The following GLDN variants were observed in gnomAD, a reference collection of about 807,000 sequenced individuals.
The protein encoded by GLDN is gliomedin.
A neutral mutation model predicts 56.5 loss-of-function variants in GLDN; 47 were observed. The ratio of observed to expected loss-of-function variants is 0.83; its 90% CI spans 0.66 to 1.06. The LOEUF (loss-of-function observed/expected upper bound fraction) is 1.06, where lower values mean the gene tolerates loss of function less well. Among genes scored for constraint, GLDN ranks in the 50% least tolerant of loss-of-function variants. GLDN has a pLI of 0.00. For missense variants in GLDN, 782 were observed against 714.3 expected, an observed-to-expected ratio of 1.09 and a Z score of -1.08; for synonymous variants, 332 against 278.8, an observed-to-expected ratio of 1.19 and a Z score of -1.90.
chr15:51,379,624 T>C (rs544747393), intron 2 of GLDN, among the ~76,000 whole-genome samples: 53 of 152,202 alleles, frequency 3.5e-4, no homozygotes, highest in Non-Finnish European at 6.0e-4. Flanking sequence ...TTGGTGTTCA[T>C]GGCCATCACA....
intron 1 of GLDN, among the ~76,000 whole-genome samples, chr15:51,361,756 G>A (rs2037304110): frequency 6.6e-6 from 1 of 152,178 alleles, no homozygotes; most frequent in African/African-American, 2.4e-5. Flanking sequence ...GTAGAAGGTT[G>A]ATAAGTGCTA....
rs533132247 is a variant in GLDN, at chr15:51,371,977, G to A, written c.364-5472G>A. ...TGGGACTATAGGCATGAGCCGCCGC[G>A]CCTGGCCAGGAATTTATCTTTTACA... On this transcript the variant is annotated intron_variant, in intron 1 of 9. Coordinates refer to ENST00000335449, the MANE Select transcript of GLDN (RefSeq NM_181789.4). 3.5e-4 allele frequency among the ~76,000 whole-genome samples: 54 copies of A among 152,282 alleles called. No homozygotes were observed. In the South Asian group the frequency reaches 9.3e-3, roughly 26 times the overall value.
chr15:51,357,514 A>G (rs910936585), intron 1 of GLDN, among the ~76,000 whole-genome samples: 4 of 152,178 alleles, frequency 2.6e-5, no homozygotes, highest in African/African-American at 9.7e-5. Context: ...CAGCCATCTG[A>G]CTTAAGACAC....
intron 1 of GLDN, among the ~76,000 whole-genome samples, chr15:51,345,718 A>G (rs1227370403): frequency 6.6e-6 from 1 of 152,218 alleles, no homozygotes; most frequent in African/African-American, 2.4e-5. Context: ...CACTATCACC[A>G]ATAGTATCTC....
chr15:51,354,912 C>T (rs1280107235), intron 1 of GLDN, among the ~76,000 whole-genome samples: 1 of 152,150 alleles, frequency 6.6e-6, no homozygotes, highest in African/African-American at 2.4e-5. Context: ...AAAGTTATTA[C>T]ATTAATCCAG....
intron 4 of GLDN, among the ~76,000 whole-genome samples, chr15:51,394,317 A>ATTTGGG (rs2038078695): frequency 1.3e-5 from 2 of 152,124 alleles, no homozygotes; most frequent in South Asian, 4.1e-4. Flanking sequence ...AATTTCTCTA[A>ATTTGGG]AAATAATCCA....
chr15:51,374,248 C>T (rs1035853215), intron 1 of GLDN, among the ~76,000 whole-genome samples: 2 of 152,176 alleles, frequency 1.3e-5, no homozygotes, highest in African/African-American at 4.8e-5. Flanking sequence ...TGTTTCCAAC[C>T]ACCCCTTCTG....
intron 1 of GLDN, among the ~76,000 whole-genome samples, chr15:51,359,766 G>A (rs1355934849): frequency 1.3e-5 from 2 of 152,086 alleles, no homozygotes; most frequent in Non-Finnish European, 2.9e-5. Flanking sequence ...CATGAGGTCA[G>A]GAGATCGAGA....
chr15:51,369,972 C>T lies in GLDN; in HGVS notation c.364-7477C>T, dbSNP rs143290956. Among the ~76,000 whole-genome samples, 5 of 152,114 alleles carry T rather than the reference C, an allele frequency of 3.3e-5. No individual in the cohort carries two copies. In the South Asian group the frequency reaches 6.2e-4, roughly 19 times the overall value. The stretch of plus-strand genomic sequence containing the variant: ...CACTACAAAAAGTAAATAAATTAGC[C>T]GGGCATGGTGCCGCATGTCTGTAGT... On this transcript the variant is annotated intron_variant, in intron 1 of 9. Coordinates refer to ENST00000335449, the MANE Select transcript of GLDN (RefSeq NM_181789.4).
intron 2 of GLDN, among the ~76,000 whole-genome samples, chr15:51,382,120 A>G (rs920354052): frequency 5.9e-5 from 9 of 152,094 alleles, no homozygotes; most frequent in Admixed American, 1.3e-4. Flanking sequence ...TGGCCCCTTC[A>G]TGGAATGCCA....
intron 1 of GLDN, among the ~76,000 whole-genome samples, chr15:51,347,373 C>G (rs1566934052): frequency 6.6e-6 from 1 of 152,212 alleles, no homozygotes; most frequent in Non-Finnish European, 1.5e-5. Flanking sequence ...TGGCCCAACT[C>G]AAATTCATAA....
In GLDN at chr15:51,404,680, CA is replaced by C; in HGVS notation, c.1583del (p.His528LeufsTer10). The C allele has an allele frequency of 1.2e-6, 2 of 1,612,670 alleles. No individual in the cohort carries two copies. Among genetic ancestry groups the C allele is most frequent in the Non-Finnish European group, 1.7e-6 (2 of 1,178,680 alleles). ...GTTAGCATACAACATGAGAGATCAG[CA>C]TTTATATTCATGGGAAGATGGCCAT... ...AMLAYNMRDQ[H>X]LYSWEDGHLM... On this transcript the variant is annotated frameshift_variant, in exon 10 of 10. Transcript: ENST00000335449. LOFTEE classifies it high-confidence loss of function.
At chr15:51,381,572 T>C (rs1327865421) in intron 2 of GLDN, among the ~76,000 whole-genome samples, 1 of 152,174 alleles carries the variant, frequency 6.6e-6, no homozygotes, top group Non-Finnish European at 1.5e-5. Context: ...CCTGTCAAAA[T>C]AGCCTCTATC....
chr15:51,399,975 A>G (rs1409486719), intron 6 of GLDN, among the ~76,000 whole-genome samples: 1 of 152,158 alleles, frequency 6.6e-6, no homozygotes, highest in East Asian at 1.9e-4. Context: ...TACTCCTGAA[A>G]AGCTTCCTGG....
chr15:51,372,884 G>A (rs1363646560), intron 1 of GLDN, among the ~76,000 whole-genome samples: 1 of 152,160 alleles, frequency 6.6e-6, no homozygotes, highest in East Asian at 1.9e-4. Context: ...AGGCTGGGAA[G>A]TCCAAGATTG....
downstream of GLDN, among the ~76,000 whole-genome samples, chr15:51,410,053 C>T (rs989623540): frequency 6.6e-6 from 1 of 152,164 alleles, no homozygotes; most frequent in African/African-American, 2.4e-5. Context: ...CTCAAGATTA[C>T]CACCACTGGA....
chr15:51,382,392 T>C (rs2037782682), intron 2 of GLDN, among the ~76,000 whole-genome samples: 1 of 152,176 alleles, frequency 6.6e-6, no homozygotes. Flanking sequence ...TAATAACTGC[T>C]TAGCAATGCT....
intron 1 of GLDN, among the ~76,000 whole-genome samples, chr15:51,365,656 G>T (rs750731451): frequency 9.9e-5 from 15 of 152,180 alleles, no homozygotes; most frequent in Non-Finnish European, 2.1e-4. Context: ...TGACTCCCAA[G>T]TCCACGATAT....
intron 2 of GLDN, among the ~76,000 whole-genome samples, chr15:51,379,301 A>T (rs1870048): frequency 6.6e-6 from 1 of 152,100 alleles, no homozygotes; most frequent in South Asian, 2.1e-4. Flanking sequence ...GAGAGCAGGC[A>T]TCTTGAAGAA....
Sources: allele counts gnomAD v4.1 joint callset (sites outside exome capture counted in the v4.1 genomes callset), GRCh38; gene constraint gnomAD v4.1.1; transcripts MANE v1.5; gene names NCBI Gene and HGNC (gene_info 2026-07-23, HGNC 2026-07-21).